USH2A: variants seen among roughly 807,000 people sequenced by gnomAD.
USH2A encodes usherin.
Under a neutral mutation model 538.9 loss-of-function variants are expected in USH2A, and 443 were observed. The ratio of observed to expected loss-of-function variants is 0.82; its 90% CI spans 0.76 to 0.89. The LOEUF (loss-of-function observed/expected upper bound fraction) is 0.89. Among genes scored for constraint, USH2A ranks in the 40% least tolerant of loss-of-function variants. The pLI is 0.00. For missense variants in USH2A, 6,633 were observed against 6,324.8 expected, an observed-to-expected ratio of 1.05 and a Z score of -1.65; for synonymous variants, 2,413 against 2,273.5, an observed-to-expected ratio of 1.06 and a Z score of -1.75.
At chr1:216,025,000 C>T (rs892926183) in intron 32 of USH2A, among the ~76,000 whole-genome samples, 1 of 151,826 alleles carries the variant, frequency 6.6e-6, no homozygotes, top group Non-Finnish European at 1.5e-5. Context: ...ATAAGAAGAA[C>T]TAATTTAGGT....
At chr1:215,746,769 G>A (rs1433420137) in intron 58 of USH2A, among the ~76,000 whole-genome samples, 1 of 152,082 alleles carries the variant, frequency 6.6e-6, no homozygotes, top group Admixed American at 6.5e-5. Flanking sequence ...AGGTAAAATT[G>A]GTTTCCTTAT....
At chr1:215,642,775 T>A (rs1218860416) in intron 67 of USH2A, among the ~76,000 whole-genome samples, 1 of 152,070 alleles carries the variant, frequency 6.6e-6, no homozygotes, top group Non-Finnish European at 1.5e-5. Flanking sequence ...TTGAGAGCAG[T>A]AATGGGGGTA....
intron 40 of USH2A, among the ~76,000 whole-genome samples, chr1:215,890,255 A>T (rs1296342375): frequency 1.3e-5 from 2 of 152,202 alleles, no homozygotes; most frequent in East Asian, 1.9e-4. Context: ...GAAAATCTTT[A>T]AAAAAGATAT....
Position 216,318,141 on chromosome 1 carries a change from C to T in USH2A, c.1644+3742G>A, listed in dbSNP as rs573050539. Among the ~76,000 whole-genome samples, 3 of 152,272 alleles carry T rather than the reference C, an allele frequency of 2.0e-5. No individual in the cohort carries two copies. The East Asian group carries it at 5.8e-4, about 29-fold the overall frequency. The stretch of plus-strand genomic sequence containing the variant: ...AGGAAAGACAATTGCCAAGAATTGG[C>T]ATATTTTCAGTCCTTACATTTTCAT... On this transcript the variant is annotated intron_variant, in intron 9 of 71. Coordinates refer to ENST00000307340, the MANE Select transcript of USH2A (RefSeq NM_206933.4).
At chr1:215,958,031 C>T (rs1020744731) in intron 37 of USH2A, among the ~76,000 whole-genome samples, 2 of 152,136 alleles carry the variant, frequency 1.3e-5, no homozygotes, top group Non-Finnish European at 2.9e-5. Flanking sequence ...AAAGCTGTCC[C>T]TTTCCTAACA....
chr1:216,016,847 T>TTGTG (rs140646671), intron 32 of USH2A, among the ~76,000 whole-genome samples: 37 of 139,178 alleles, frequency 2.7e-4, no homozygotes, highest in African/African-American at 9.7e-4. Flanking sequence ...AGTCACTACT[T>TTGTG]TGTGTGTGTG....
intron 63 of USH2A, 23 bp downstream of exon 63, chr1:215,674,077 A>G (rs1270349433): frequency 1.2e-6 from 2 of 1,613,750 alleles, no homozygotes; most frequent in Non-Finnish European, 1.7e-6. Context: ...TTACTCTCAG[A>G]AAACCGAGAC....
intron 13 of USH2A, among the ~76,000 whole-genome samples, chr1:216,233,355 CA>C (rs1251968826): frequency 6.6e-5 from 10 of 152,156 alleles, no homozygotes; most frequent in Admixed American, 6.5e-4. Context: ...GTGACTTCCT[CA>C]GGCAACTTTC....
At position 216,049,996 on chromosome 1, in the gene USH2A, T is replaced by C. The variant is rs537203371; in HGVS notation, c.6050-1349A>G. On this transcript the variant is annotated intron_variant, in intron 30 of 71. Transcript: ENST00000307340. ...GTGACCATCTCATGCCAAATTCAGC[T>C]CTCTCTAATTTCAAAACCCTCTCGT... Among the ~76,000 whole-genome samples, 2 of 152,230 alleles carry C rather than the reference T, an allele frequency of 1.3e-5. 1 individual carries two copies. Among genetic ancestry groups the C allele is most frequent in the South Asian group, 4.2e-4 (2 of 4,816 alleles).
intron 36 of USH2A, 65 bp from the exon 37 acceptor site, chr1:215,965,544 T>C: frequency 6.4e-7 from 1 of 1,574,230 alleles, no homozygotes; most frequent in South Asian, 1.1e-5. Context: ...GCTTTGAGCA[T>C]ATTTCTTCAA....
Position 216,421,988 on chromosome 1 carries a change from G to C in USH2A, c.349C>G (p.His117Asp). 1 of 1,613,952 alleles carries C rather than the reference G, an allele frequency of 6.2e-7. No individual in the cohort carries two copies. Among genetic ancestry groups the C allele is most frequent in the Non-Finnish European group, 8.5e-7 (1 of 1,179,926 alleles). Residue 117 changes from histidine (H) to aspartate (D), a missense_variant, in exon 2 of 72, where the codon CAT (histidine) becomes GAT (aspartate). Coordinates refer to ENST00000307340, the MANE Select transcript of USH2A (RefSeq NM_206933.4). ...GCAGAATTGCTATGGGCGTTAGGAT[G>C]CAGATCATTCTTGTCTGGTGTGATG... ...SCITPDKNDL[H>D]PNAHSNSASF...
intron 21 of USH2A, among the ~76,000 whole-genome samples, chr1:216,166,931 G>C (rs1423824401): frequency 6.6e-6 from 1 of 151,952 alleles, no homozygotes; most frequent in Non-Finnish European, 1.5e-5. Context: ...GGCCACCATT[G>C]CCAGAGATGA....
At chr1:216,183,416 A>T (rs1404701969) in intron 20 of USH2A, among the ~76,000 whole-genome samples, 1 of 152,078 alleles carries the variant, frequency 6.6e-6, no homozygotes, top group Non-Finnish European at 1.5e-5. Context: ...AAGACTGTTC[A>T]ATAACATGCT....
At chr1:216,104,429 G>C (rs1370662118) in intron 21 of USH2A, among the ~76,000 whole-genome samples, 1 of 152,160 alleles carries the variant, frequency 6.6e-6, no homozygotes, top group Non-Finnish European at 1.5e-5. Context: ...GTATTTCATG[G>C]TGTATATGCA....
At chr1:215,988,208 G>A (rs2102472416) in intron 35 of USH2A, among the ~76,000 whole-genome samples, 1 of 151,924 alleles carries the variant, frequency 6.6e-6, no homozygotes, top group East Asian at 1.9e-4. Context: ...CCCAGACCTT[G>A]GTAACCGTAA....
chr1:215,773,498 C>CTG (rs1360636860), intron 55 of USH2A, among the ~76,000 whole-genome samples: 72 of 145,834 alleles, frequency 4.9e-4, no homozygotes, highest in African/African-American at 1.9e-3. Context: ...CTCTGTCTCT[C>CTG]TCTCTCTCTC....
At chr1:215,649,619 C>T (rs1468253592) in intron 65 of USH2A, among the ~76,000 whole-genome samples, 42 of 152,014 alleles carry the variant, frequency 2.8e-4, no homozygotes, top group Non-Finnish European at 7.4e-5. Flanking sequence ...GCTAATATTC[C>T]TTTAACATTC....
intron 37 of USH2A, among the ~76,000 whole-genome samples, chr1:215,951,694 T>A (rs1666919260): frequency 6.6e-6 from 1 of 152,078 alleles, no homozygotes; most frequent in African/African-American, 2.4e-5. Context: ...AGTCTAAGTC[T>A]CTTTGTAGGT....
intron 11 of USH2A, among the ~76,000 whole-genome samples, chr1:216,271,237 A>G (rs2036567740): frequency 6.6e-6 from 1 of 152,064 alleles, no homozygotes; most frequent in South Asian, 2.1e-4. Flanking sequence ...ACCCTACCTC[A>G]GTGACAGCCC....
Sources: gnomAD v4.1 joint callset for allele counts (sites outside exome capture counted in the v4.1 genomes callset) on GRCh38, gnomAD v4.1.1 for gene constraint, MANE v1.5 for transcripts, NCBI Gene and HGNC (gene_info 2026-07-23, HGNC 2026-07-21) for gene names.